Variants in SEC14L5 observed in about 807,000 individuals in gnomAD.
SEC14L5 encodes SEC14-like protein 5.
A neutral mutation model predicts 84.6 loss-of-function variants in SEC14L5; 96 were observed. That is an observed-to-expected ratio of 1.13 (90% CI 0.96 to 1.34). The LOEUF (loss-of-function observed/expected upper bound fraction) is 1.34, where lower values mean the gene tolerates loss of function less well. Among genes scored for constraint, SEC14L5 ranks in the 40% most tolerant of loss-of-function variants. The pLI is 0.00. For synonymous variants in SEC14L5, 546 were observed against 383.4 expected, an observed-to-expected ratio of 1.42 and a Z score of -4.95; for missense variants, 1,224 against 942.5, an observed-to-expected ratio of 1.30 and a Z score of -3.91.
In SEC14L5 at chr16:4,988,130, C is replaced by A. The variant is rs747320642; in HGVS notation, c.214-19C>A. ...CACGCCGCCCACCCACCTCCGCCTC[C>A]CCGCCCCTTCCCTTGCAGATCGCAG... On this transcript the variant is annotated intron_variant, in intron 3 of 15. Transcript: ENST00000251170. 40 of 1,613,152 alleles carry A rather than the reference C, an allele frequency of 2.5e-5. 1 individual carries two copies. In the Middle Eastern group the frequency reaches 6.6e-4, roughly 27 times the overall value.
chr16:4,996,838 A>C lies in SEC14L5; in HGVS notation c.781-17A>C. 1 of 1,598,456 alleles carries C rather than the reference A, an allele frequency of 6.3e-7. No homozygotes were observed. Among genetic ancestry groups the C allele is most frequent in the Non-Finnish European group, 8.5e-7 (1 of 1,171,314 alleles). On this transcript the variant is annotated splice_polypyrimidine_tract_variant and intron_variant, in intron 7 of 15. Transcript: ENST00000251170. ...GGGGATACCGTTCTGTGGGCTTTTTACTTCTTTGTCTCTCAGATTCCCAAA... is the reference window on the plus strand; with the variant it reads ...GGGGATACCGTTCTGTGGGCTTTTTCCTTCTTTGTCTCTCAGATTCCCAAA...
Position 4,980,521 on chromosome 16 carries a change from C to T in SEC14L5, c.64-7036C>T, listed in dbSNP as rs550463574. On this transcript the variant is annotated intron_variant, in intron 2 of 15. Transcript: ENST00000251170. ...GCTGAGTCTGTGGCTTTATCCCCTC[C>T]CTGACACCCTCCTTGAGGCTCTTTG... Among the ~76,000 whole-genome samples the T allele has an allele frequency of 4.2e-4, 64 of 152,236 alleles. 1 individual carries two copies. The highest frequency in any genetic ancestry group is 1.5e-3 in the African/African-American group (64 of 41,542).
chr16:5,003,772 T>C (rs535879690), intron 11 of SEC14L5, among the ~76,000 whole-genome samples, 199 bp downstream of exon 11: 3 of 152,212 alleles, frequency 2.0e-5, no homozygotes, highest in Non-Finnish European at 4.4e-5. Flanking sequence ...AGTTAAGCAA[T>C]TGTCACCACT....
chr16:4,960,049 T>C (rs1235473963), intron 2 of SEC14L5, among the ~76,000 whole-genome samples: 1 of 152,202 alleles, frequency 6.6e-6, no homozygotes, highest in Non-Finnish European at 1.5e-5. Flanking sequence ...GTACTCTGTG[T>C]TGTGCAGCAA....
chr16:5,014,563 G>C (rs1292980953), intron 15 of SEC14L5, among the ~76,000 whole-genome samples: 1 of 152,242 alleles, frequency 6.6e-6, no homozygotes, highest in East Asian at 1.9e-4. Context: ...GAGGGAGTGA[G>C]ACTGGAGACA....
intron 4 of SEC14L5, among the ~76,000 whole-genome samples, chr16:4,989,335 T>G (rs1338108913): frequency 8.9e-5 from 13 of 146,066 alleles, no homozygotes; most frequent in South Asian, 2.2e-4. Context: ...TTGTTTTTTT[T>G]TTTGTTTGTT....
intron 2 of SEC14L5, among the ~76,000 whole-genome samples, chr16:4,986,714 G>A (rs1037108316): frequency 1.3e-5 from 2 of 152,090 alleles, no homozygotes; most frequent in African/African-American, 4.8e-5. Context: ...TTCAGCAAAT[G>A]TTTTGTAGTG....
chr16:4,968,978 A>C (rs567483436), intron 2 of SEC14L5, among the ~76,000 whole-genome samples: 1 of 152,408 alleles, frequency 6.6e-6, no homozygotes, highest in East Asian at 1.9e-4. Flanking sequence ...GGCTTAGGCC[A>C]AAAGCAGTTA....
At chr16:4,980,676 C>T (rs1955412246) in intron 2 of SEC14L5, among the ~76,000 whole-genome samples, 1 of 152,140 alleles carries the variant, frequency 6.6e-6, no homozygotes, top group Non-Finnish European at 1.5e-5. Flanking sequence ...CACAAGTCTC[C>T]TGTTACAAGG....
intron 11 of SEC14L5, among the ~76,000 whole-genome samples, chr16:5,004,258 T>C (rs1312373519): frequency 2.0e-5 from 3 of 152,086 alleles, no homozygotes; most frequent in African/African-American, 7.2e-5. Context: ...CTCTAGCTTT[T>C]GTGGGTGCTT....
At chr16:4,970,705 G>A (rs552572207) in intron 2 of SEC14L5, among the ~76,000 whole-genome samples, 9 of 152,260 alleles carry the variant, frequency 5.9e-5, no homozygotes, top group East Asian at 5.8e-4. Context: ...ACGGGCTGTC[G>A]TTCTCCCAGT....
At chr16:4,998,554 C>T (rs896038154) in intron 8 of SEC14L5, among the ~76,000 whole-genome samples, 58 of 148,496 alleles carry the variant, frequency 3.9e-4, no homozygotes, top group Middle Eastern at 3.5e-3. Context: ...CCGGCTAAAA[C>T]GGTGAAACCC....
At chr16:4,964,308 G>T (rs928023032) in intron 2 of SEC14L5, among the ~76,000 whole-genome samples, 2 of 152,138 alleles carry the variant, frequency 1.3e-5, no homozygotes, top group African/African-American at 4.8e-5. Context: ...AAGAACCAGG[G>T]CCGGGCATGG....
At chr16:4,989,878 G>C (rs1234489842) in intron 4 of SEC14L5, among the ~76,000 whole-genome samples, 2 of 152,092 alleles carry the variant, frequency 1.3e-5, no homozygotes, top group Non-Finnish European at 2.9e-5. Flanking sequence ...GGCAGGCCCA[G>C]GAATCTGCAT....
intron 10 of SEC14L5, among the ~76,000 whole-genome samples, chr16:5,001,578 C>T (rs952750868): frequency 6.6e-6 from 1 of 152,060 alleles, no homozygotes; most frequent in African/African-American, 2.4e-5. Flanking sequence ...TTTTTGAGAT[C>T]AGCTCTCCAC....
intron 2 of SEC14L5, among the ~76,000 whole-genome samples, chr16:4,978,989 A>T (rs9925292): frequency 0.54 from 81,690 of 151,996 alleles, 22,292 homozygotes; most frequent in South Asian, 0.71. Context: ...TCCTGCCAGG[A>T]TTACAGGTGT....
chr16:5,004,085 A>T (rs1395754912), intron 11 of SEC14L5, among the ~76,000 whole-genome samples: 2 of 152,238 alleles, frequency 1.3e-5, no homozygotes, highest in African/African-American at 2.4e-5. Flanking sequence ...ACCCAGCTTG[A>T]TGCTTTGGAG....
At chr16:5,000,180 A>C (rs1484372312) in intron 8 of SEC14L5, among the ~76,000 whole-genome samples, 4 of 150,962 alleles carry the variant, frequency 2.6e-5, no homozygotes, top group African/African-American at 9.8e-5. Flanking sequence ...AATCCCAGCT[A>C]CTCGGGAGGC....
chr16:4,974,228 T>C (rs1955313726), intron 2 of SEC14L5, among the ~76,000 whole-genome samples: 2 of 152,140 alleles, frequency 1.3e-5, no homozygotes, highest in African/African-American at 4.8e-5. Flanking sequence ...CTTTATATTT[T>C]ATTTTTTGAG....
Sources: allele counts gnomAD v4.1 joint callset (sites outside exome capture counted in the v4.1 genomes callset), GRCh38; gene constraint gnomAD v4.1.1; transcripts MANE v1.5; gene names NCBI Gene and HGNC (gene_info 2026-07-23, HGNC 2026-07-21).